The following B3GALT1 variants were observed in gnomAD, a reference collection of about 807,000 sequenced individuals.
The protein encoded by B3GALT1 is beta-1,3-galactosyltransferase 1, also known as UDP-Gal:betaGlcNAc beta 1,3-galactosyltransferase, polypeptide 1.
In B3GALT1, 10 loss-of-function variants were observed where a neutral mutation model predicts 23.2. That is an observed-to-expected ratio of 0.43 (90% confidence interval 0.27 to 0.73). The LOEUF (loss-of-function observed/expected upper bound fraction) is 0.73. Ranked by LOEUF, B3GALT1 falls within the 30% of genes least tolerant of loss-of-function variation. B3GALT1 has a pLI of 0.21. For missense variants in B3GALT1, 299 were observed against 405.4 expected (o/e 0.74, Z 2.25); for synonymous variants, 156 against 141.5 (o/e 1.10, Z -0.73).
chr2:167,654,232 T>TA (rs1253962064), intron 3 of B3GALT1, among the ~76,000 whole-genome samples: 3 of 152,192 alleles, frequency 2.0e-5, no homozygotes, highest in African/African-American at 7.2e-5. Context: ...ATAACACACT[T>TA]AGACTGCAAG....
chr2:167,800,852 G>A (rs930298169), intron 3 of B3GALT1, among the ~76,000 whole-genome samples: 4 of 152,130 alleles, frequency 2.6e-5, no homozygotes, highest in African/African-American at 4.8e-5. Flanking sequence ...TCACGTCTTC[G>A]CCTAGAAGTC....
At chr2:167,603,172 A>G (rs1684904137) in intron 2 of B3GALT1, among the ~76,000 whole-genome samples, 3 of 152,184 alleles carry the variant, frequency 2.0e-5, no homozygotes, top group South Asian at 4.1e-4. Flanking sequence ...AACTAATTCT[A>G]GTTCTTTGTC....
chr2:167,831,774 G>C (rs1361315288), intron 4 of B3GALT1, among the ~76,000 whole-genome samples: 1 of 152,206 alleles, frequency 6.6e-6, no homozygotes, highest in Admixed American at 6.5e-5. Flanking sequence ...GATTTTACCT[G>C]TCTCAGGAAG....
rs372628922 is a variant in B3GALT1 at position 167,469,783 on chromosome 2, CAT to C, written c.-510-20393_-510-20392del. On this transcript the variant is annotated intron_variant, in intron 1 of 4. Transcript: ENST00000392690. ...TTATCATTCATGTCTTTAGGTATAACATGTGATTTAATTAATACATACAATCA... is the reference window on the plus strand; with the variant it reads ...TTATCATTCATGTCTTTAGGTATAACGTGATTTAATTAATACATACAATCA... Among the ~76,000 whole-genome samples the C allele has an allele frequency of 1.1e-3, 169 of 152,118 alleles. 2 individuals carry two copies. In the South Asian group the frequency reaches 0.02, roughly 18 times the overall value.
intron 2 of B3GALT1, among the ~76,000 whole-genome samples, chr2:167,615,766 A>G (rs1436264750): frequency 6.6e-6 from 1 of 152,124 alleles, no homozygotes. Context: ...AGCACGTGTC[A>G]TGCACTACTC....
chr2:167,444,651 C>T (rs1050833024), intron 1 of B3GALT1, among the ~76,000 whole-genome samples: 9 of 152,080 alleles, frequency 5.9e-5, no homozygotes, highest in Non-Finnish European at 8.8e-5. Flanking sequence ...AGTTTATTTG[C>T]GTAGAGGTGT....
At chr2:167,401,114 A>T (rs1423008901) in intron 1 of B3GALT1, among the ~76,000 whole-genome samples, 1 of 152,064 alleles carries the variant, frequency 6.6e-6, no homozygotes, top group Non-Finnish European at 1.5e-5. Context: ...GGGACTGTAC[A>T]TTCTTGCCTC....
intron 3 of B3GALT1, among the ~76,000 whole-genome samples, chr2:167,692,960 G>A (rs1234081463): frequency 6.6e-6 from 1 of 151,944 alleles, no homozygotes; most frequent in Non-Finnish European, 1.5e-5. Flanking sequence ...AGTTTGATGA[G>A]CCAAGGAAAT....
intron 1 of B3GALT1, among the ~76,000 whole-genome samples, chr2:167,452,521 T>G (rs993199522): frequency 4.6e-5 from 7 of 152,188 alleles, no homozygotes; most frequent in Non-Finnish European, 1.0e-4. Context: ...TTTTCACACT[T>G]TCACACTTTG....
chr2:167,401,243 C>A (rs1207645196), intron 1 of B3GALT1, among the ~76,000 whole-genome samples: 1 of 152,040 alleles, frequency 6.6e-6, no homozygotes, highest in African/African-American at 2.4e-5. Context: ...TGAAATTAAC[C>A]TTCCGTCTTT....
At position 167,869,384 on chromosome 2, in the gene B3GALT1, G is replaced by T; in HGVS notation, c.345G>T (p.Leu115=). The part of the protein sequence containing the change: ...NNFKGIKIAT[L]FLLGKNADPV... ...TTAAGGGGATCAAGATAGCCACCCT[G>T]TTCCTCCTGGGCAAGAATGCTGATC... is the stretch of plus-strand genomic sequence containing the variant. The change falls in exon 5 of 5, where the codon CTG becomes CTT. Residue 115 remains leucine (L), a synonymous_variant. Transcript: ENST00000392690. The surrounding 1 kb of genome is among the most constrained non-coding windows in gnomAD (Gnocchi z 6.4). 1 of 1,614,118 alleles carries T rather than the reference G, an allele frequency of 6.2e-7. No homozygotes were observed. The highest frequency in any genetic ancestry group is 8.5e-7 in the Non-Finnish European group (1 of 1,180,014).
At chr2:167,361,737 T>TA (rs1697502848) in intron 1 of B3GALT1, among the ~76,000 whole-genome samples, 1 of 152,302 alleles carries the variant, frequency 6.6e-6, no homozygotes, top group South Asian at 2.1e-4. Context: ...TTTCCTTGTT[T>TA]ATCTCTTTTT....
At chr2:167,833,600 T>G (rs1353514005) in intron 4 of B3GALT1, among the ~76,000 whole-genome samples, 3 of 152,220 alleles carry the variant, frequency 2.0e-5, no homozygotes, top group African/African-American at 7.2e-5. Context: ...ATGTAAATTC[T>G]TCTTTTCTCC....
At chr2:167,705,206 CTTGT>C (rs1347921959) in intron 3 of B3GALT1, among the ~76,000 whole-genome samples, 2 of 152,180 alleles carry the variant, frequency 1.3e-5, no homozygotes, top group African/African-American at 4.8e-5. Flanking sequence ...TCAACGTATA[CTTGT>C]TTGAGTTGTG....
At chr2:167,864,282 G>T (rs757015814) in intron 4 of B3GALT1, among the ~76,000 whole-genome samples, 120 of 152,182 alleles carry the variant, frequency 7.9e-4, no homozygotes, top group Non-Finnish European at 1.5e-3. Flanking sequence ...GACAGGAGTG[G>T]TGGCTCACAC....
chr2:167,316,434 G>A (rs1480444716), intron 1 of B3GALT1, among the ~76,000 whole-genome samples: 1 of 151,954 alleles, frequency 6.6e-6, no homozygotes, highest in Non-Finnish European at 1.5e-5. Context: ...CATCACACCT[G>A]CTATCTAAAG....
At position 167,514,696 on chromosome 2, in the gene B3GALT1, T is replaced by C. The variant is rs139495042; in HGVS notation, c.-410+24419T>C. 1.1e-3 allele frequency among the ~76,000 whole-genome samples: 166 copies of C among 152,296 alleles called. 1 individual carries two copies. In the Middle Eastern group the frequency reaches 0.038, roughly 35 times the overall value. On this transcript the variant is annotated intron_variant, in intron 2 of 4. Transcript: ENST00000392690. ...CAAATAAACTGCACAGAATAATGAT[T>C]AATAATGTAGACTTTAGAATCAAGC... is the stretch of plus-strand genomic sequence containing the variant.
At chr2:167,379,626 T>C (rs1008063154) in intron 1 of B3GALT1, among the ~76,000 whole-genome samples, 2 of 152,172 alleles carry the variant, frequency 1.3e-5, no homozygotes, top group African/African-American at 4.8e-5. Context: ...GGCATGTATT[T>C]GATTCTTGTT....
At chr2:167,677,453 C>A (rs901425615) in intron 3 of B3GALT1, among the ~76,000 whole-genome samples, 2 of 152,226 alleles carry the variant, frequency 1.3e-5, no homozygotes, top group African/African-American at 4.8e-5. Flanking sequence ...CCCACTCTAA[C>A]CTTTTCTTCA....
Sources: gnomAD v4.1 joint callset for allele counts (sites outside exome capture counted in the v4.1 genomes callset) on GRCh38, gnomAD v4.1.1 for gene constraint, Gnocchi (gnomAD v3.1) non-coding constraint, MANE v1.5 for transcripts, NCBI Gene and HGNC (gene_info 2026-07-23, HGNC 2026-07-21) for gene names.